Variants in CSMD1 observed in about 807,000 individuals in gnomAD.
CSMD1 encodes the protein CUB and Sushi multiple domains 1.
A neutral mutation model predicts 417.5 loss-of-function variants in CSMD1; 213 were observed. The observed-to-expected ratio is 0.51, with a 90% confidence interval of 0.46 to 0.57. The LOEUF is 0.57. CSMD1 is among the 20% of genes least tolerant of loss of function. CSMD1 has a pLI of 0.00. For synonymous variants in CSMD1, 2,862 were observed against 1,736.8 expected (o/e 1.65, Z -16.11); for missense variants, 6,923 against 4,529.7 (o/e 1.53, Z -15.17).
intron 5 of CSMD1, among the ~76,000 whole-genome samples, chr8:3,779,045 A>C (rs1481712): frequency 6.6e-6 from 1 of 151,794 alleles, no homozygotes; most frequent in African/African-American, 2.4e-5. Flanking sequence ...CAACGTTTTC[A>C]TAACAAATTA....
intron 3 of CSMD1, among the ~76,000 whole-genome samples, chr8:4,233,816 C>T (rs898356864): frequency 2.0e-5 from 3 of 152,056 alleles, no homozygotes; most frequent in Non-Finnish European, 2.9e-5. Context: ...CATGAAATTT[C>T]ATTTGAGTTG....
intron 1 of CSMD1, among the ~76,000 whole-genome samples, chr8:4,772,122 G>C (rs187268395): frequency 6.6e-6 from 1 of 152,104 alleles, no homozygotes; most frequent in Admixed American, 6.6e-5. Flanking sequence ...GGTCATTTGG[G>C]TCCACCGAGA....
chr8:4,320,392 G>T (rs1174880905), intron 3 of CSMD1, among the ~76,000 whole-genome samples: 1 of 152,038 alleles, frequency 6.6e-6, no homozygotes, highest in East Asian at 1.9e-4. Context: ...AGTTGTGAGG[G>T]TACATGTGTA....
intron 3 of CSMD1, among the ~76,000 whole-genome samples, chr8:4,339,937 A>T (rs1473214313): frequency 6.6e-6 from 1 of 152,020 alleles, no homozygotes; most frequent in Non-Finnish European, 1.5e-5. Flanking sequence ...AGGCAAGAGG[A>T]TCACTTGAGT....
intron 49 of CSMD1, among the ~76,000 whole-genome samples, chr8:3,062,890 CAA>C (rs1563295952): frequency 6.6e-6 from 1 of 152,038 alleles, no homozygotes; most frequent in South Asian, 2.1e-4. Context: ...GAGTGTTGTT[CAA>C]AAGAGACAGG....
chr8:3,184,707 A>G (rs1009238918), intron 36 of CSMD1, among the ~76,000 whole-genome samples: 1 of 152,212 alleles, frequency 6.6e-6, no homozygotes, highest in African/African-American at 2.4e-5. Context: ...TTCAGGACTC[A>G]TCCTATGGAG....
At chr8:4,057,747 C>T (rs76809805) in intron 3 of CSMD1, among the ~76,000 whole-genome samples, 84,465 of 151,662 alleles carry the variant, frequency 0.56, 24,589 homozygotes, top group Non-Finnish European at 0.65. Flanking sequence ...CAGCTTTCTA[C>T]ATATGGCTAG....
At chr8:3,492,944 CT>C (rs1796194194) in intron 11 of CSMD1, among the ~76,000 whole-genome samples, 1 of 152,006 alleles carries the variant, frequency 6.6e-6, no homozygotes, top group Admixed American at 6.6e-5. Context: ...GCATCTGTAC[CT>C]CTTTAAAAAC....
chr8:3,391,181 T>C (rs1979829), intron 17 of CSMD1, among the ~76,000 whole-genome samples: 71,493 of 151,864 alleles, frequency 0.47, 17,250 homozygotes, highest in African/African-American at 0.56. Flanking sequence ...AGCAAACAAT[T>C]GGTGTGGTGT....
At chr8:3,488,135 C>T (rs1277631302) in intron 11 of CSMD1, among the ~76,000 whole-genome samples, 2 of 141,292 alleles carry the variant, frequency 1.4e-5, no homozygotes, top group African/African-American at 5.4e-5. Flanking sequence ...TAGTGTCTTG[C>T]TCTGTTGCTC....
At chr8:4,794,628 A>G (rs1321682935) in intron 1 of CSMD1, among the ~76,000 whole-genome samples, 2 of 152,032 alleles carry the variant, frequency 1.3e-5, no homozygotes, top group African/African-American at 2.4e-5. Context: ...TGTGCTCCAT[A>G]GTCAGGAACC....
intron 3 of CSMD1, among the ~76,000 whole-genome samples, chr8:4,415,894 G>T (rs944004396): frequency 2.6e-5 from 4 of 152,132 alleles, no homozygotes; most frequent in Admixed American, 2.0e-4. Context: ...TATAAGGATT[G>T]CAACTTCTGT....
chr8:4,073,102 C>T (rs192863646), intron 3 of CSMD1, among the ~76,000 whole-genome samples: 1 of 152,100 alleles, frequency 6.6e-6, no homozygotes, highest in South Asian at 2.1e-4. Flanking sequence ...GTCTTATTTC[C>T]TGTTACCATC....
intron 31 of CSMD1, among the ~76,000 whole-genome samples, chr8:3,202,605 A>G (rs373558088): frequency 6.6e-6 from 1 of 152,194 alleles, no homozygotes; most frequent in South Asian, 2.1e-4. Flanking sequence ...TTCTTTTCTT[A>G]TTTATTGTAA....
chr8:4,078,582 C>T (rs994367235), intron 3 of CSMD1, among the ~76,000 whole-genome samples: 5 of 150,942 alleles, frequency 3.3e-5, no homozygotes, highest in African/African-American at 9.7e-5. Flanking sequence ...ACTTTTTAAA[C>T]ATAAAATCTT....
In CSMD1 at chr8:4,601,218, A is replaced by C. The variant is rs560363465; in HGVS notation, c.302+36124T>G. On this transcript the variant is annotated intron_variant, in intron 2 of 69. Transcript: ENST00000635120. ...GATCCCCCACACTTTGGCCGCCCAAAGTGCCGGGATTACAGGCGTGAGCCA... is the reference window on the plus strand; with the variant it reads ...GATCCCCCACACTTTGGCCGCCCAACGTGCCGGGATTACAGGCGTGAGCCA... 2.6e-5 allele frequency among the ~76,000 whole-genome samples: 4 copies of C among 152,290 alleles called. No individual in the cohort carries two copies. The East Asian group carries it at 7.7e-4, about 30-fold the overall frequency.
At chr8:4,645,522 C>G (rs1342284185) in intron 1 of CSMD1, among the ~76,000 whole-genome samples, 1 of 136,602 alleles carries the variant, frequency 7.3e-6, no homozygotes, top group Non-Finnish European at 1.5e-5. Flanking sequence ...GATTAATTTG[C>G]TGCATGGAGC....
chr8:4,383,201 G>C lies in CSMD1; in HGVS notation c.415+36752C>G, dbSNP rs75508245. Among the ~76,000 whole-genome samples the C allele has an allele frequency of 2.0e-5, 3 of 152,194 alleles. No homozygotes were observed. In the East Asian group the frequency reaches 5.8e-4, roughly 29 times the overall value. On this transcript the variant is annotated intron_variant, in intron 3 of 69. Coordinates refer to ENST00000635120, the MANE Select transcript of CSMD1 (RefSeq NM_033225.6). ...GACATTCAGAAGTATATAACTCTGA[G>C]TACTGACCCAGTATGTTAATGGTGG... is the stretch of plus-strand genomic sequence containing the variant.
At chr8:4,789,954 T>A (rs1203096868) in intron 1 of CSMD1, among the ~76,000 whole-genome samples, 4 of 152,166 alleles carry the variant, frequency 2.6e-5, no homozygotes, top group African/African-American at 9.7e-5. Flanking sequence ...GAAAAACGTA[T>A]CTTAAAGGTG....
Sources: allele counts gnomAD v4.1 joint callset (sites outside exome capture counted in the v4.1 genomes callset), GRCh38; gene constraint gnomAD v4.1.1; transcripts MANE v1.5; gene names NCBI Gene and HGNC (gene_info 2026-07-23, HGNC 2026-07-21).